Variants in KCNMA1 observed in about 807,000 individuals in gnomAD.
The protein encoded by KCNMA1 is Calcium-activated potassium channel subunit alpha-1.
Under a neutral mutation model 140.0 loss-of-function variants are expected in KCNMA1, and 29 were observed. The ratio of observed to expected loss-of-function variants is 0.21; its 90% CI spans 0.15 to 0.28. KCNMA1 has a LOEUF of 0.28. Among genes scored for constraint, KCNMA1 ranks in the 10% least tolerant of loss-of-function variants. The pLI is 1.00. For synonymous variants in KCNMA1, 612 were observed against 611.9 expected (o/e 1.00, Z 0.00); for missense variants, 880 against 1,602.2 (o/e 0.55, Z 7.70).
At chr10:76,989,885 G>A (rs2082280554) in intron 19 of KCNMA1, among the ~76,000 whole-genome samples, 1 of 151,728 alleles carries the variant, frequency 6.6e-6, no homozygotes, top group Non-Finnish European at 1.5e-5. Flanking sequence ...GAGATGGCAA[G>A]CTTCTGATCT....
intron 3 of KCNMA1, chr10:77,217,662 C>T (rs1033905848): frequency 1.0e-5 from 4 of 389,890 alleles, no homozygotes; most frequent in African/African-American, 4.1e-5. Flanking sequence ...GCAGTTGCAC[C>T]TCAATTTATG....
intron 2 of KCNMA1, among the ~76,000 whole-genome samples, chr10:77,289,731 G>C (rs1453174304): frequency 6.6e-6 from 1 of 152,110 alleles, no homozygotes; most frequent in African/African-American, 2.4e-5. Context: ...AAATATAAGG[G>C]ACTGTAAATA....
At chr10:77,610,916 G>A (rs2086611861) in intron 1 of KCNMA1, among the ~76,000 whole-genome samples, 1 of 152,230 alleles carries the variant, frequency 6.6e-6, no homozygotes, top group African/African-American at 2.4e-5. Flanking sequence ...AAAATGCCAT[G>A]GAGTGGTTAG....
At chr10:77,375,868 G>A (rs2095064772) in intron 2 of KCNMA1, among the ~76,000 whole-genome samples, 1 of 152,204 alleles carries the variant, frequency 6.6e-6, no homozygotes, top group South Asian at 2.1e-4. Context: ...CCATCTTGGT[G>A]CTCTTGGGGC....
intron 3 of KCNMA1, among the ~76,000 whole-genome samples, chr10:77,211,455 CAA>C (rs2046056461): frequency 6.6e-6 from 1 of 152,106 alleles, no homozygotes; most frequent in Non-Finnish European, 1.5e-5. Context: ...AAAATTAACT[CAA>C]AATGGATTAA....
At chr10:77,004,213 C>T (rs1409985959) in intron 18 of KCNMA1, among the ~76,000 whole-genome samples, 2 of 144,368 alleles carry the variant, frequency 1.4e-5, no homozygotes, top group South Asian at 4.5e-4. Context: ...ACAAGTGCCA[C>T]CACACACACA....
chr10:77,263,929 C>T (rs1307024218), intron 2 of KCNMA1, among the ~76,000 whole-genome samples: 1 of 152,168 alleles, frequency 6.6e-6, no homozygotes, highest in East Asian at 1.9e-4. Context: ...CCTAACCTGT[C>T]TACTTCTGAC....
chr10:76,941,078 AAAG>A (rs1253041194), intron 23 of KCNMA1, among the ~76,000 whole-genome samples: 1 of 128,472 alleles, frequency 7.8e-6, no homozygotes, highest in Non-Finnish European at 1.6e-5. Flanking sequence ...AAAAAGAAAG[AAAG>A]AAAGAGAAAG....
intron 1 of KCNMA1, among the ~76,000 whole-genome samples, chr10:77,537,090 G>A (rs548365849): frequency 1.2e-4 from 18 of 152,136 alleles, no homozygotes; most frequent in Admixed American, 3.9e-4. Flanking sequence ...CCCTAAACAC[G>A]GGACATCACC....
rs369375502 is a variant in KCNMA1, at chr10:77,494,698, G to A, written c.379-90675C>T. Among the ~76,000 whole-genome samples, 5 of 152,314 alleles carry A rather than the reference G, an allele frequency of 3.3e-5. No individual in the cohort carries two copies. The South Asian group carries it at 6.2e-4, about 19-fold the overall frequency. On this transcript the variant is annotated intron_variant, in intron 1 of 27. Coordinates refer to ENST00000286628, the MANE Select transcript of KCNMA1 (RefSeq NM_001161352.2). ...GGGATCCGGGAAGCTTGGTGAATTC[G>A]TCTGCTGGGGCTGCCATCATAAAGT... is the stretch of plus-strand genomic sequence containing the variant.
intron 1 of KCNMA1, among the ~76,000 whole-genome samples, chr10:77,541,997 G>A (rs997812735): frequency 6.6e-6 from 1 of 152,142 alleles, no homozygotes; most frequent in Non-Finnish European, 1.5e-5. Context: ...CCTTTGCAAT[G>A]GTTTGAATAT....
chr10:77,328,508 T>C (rs1012159228), intron 2 of KCNMA1, among the ~76,000 whole-genome samples: 3 of 152,162 alleles, frequency 2.0e-5, no homozygotes, highest in African/African-American at 7.2e-5. Flanking sequence ...AAAAAAGGCC[T>C]CAAAGAAGAT....
intron 23 of KCNMA1, among the ~76,000 whole-genome samples, chr10:76,926,963 T>A (rs1487733126): frequency 6.6e-6 from 1 of 152,174 alleles, no homozygotes; most frequent in African/African-American, 2.4e-5. Context: ...ATCCTTTCCA[T>A]TTGCTAACAG....
At chr10:77,609,665 T>C (rs980436074) in intron 1 of KCNMA1, among the ~76,000 whole-genome samples, 5 of 152,318 alleles carry the variant, frequency 3.3e-5, no homozygotes, top group African/African-American at 9.6e-5. Flanking sequence ...CCACAATGTA[T>C]ACATATTTCA....
chr10:76,949,306 C>T lies in KCNMA1; in HGVS notation c.2545G>A (p.Asp849Asn), dbSNP rs368732871. The T allele has an allele frequency of 5.0e-6, 8 of 1,613,996 alleles. No individual in the cohort carries two copies. The highest frequency in any genetic ancestry group is 2.2e-5 in the South Asian group (2 of 91,074). The change falls in exon 22 of 28, where the codon GAC becomes AAC. Residue 849 changes from aspartate to asparagine, a missense_variant. Physicochemically the swap from Asp to Asn is conservative, Grantham distance 23. Around this residue, in one of 13 missense-constraint regions of KCNMA1, gnomAD observed 82 missense variants for 170.1 expected, o/e 0.48. Transcript: ENST00000286628. ...AGGCCGATCAGGGCTGAGCTGACGTCGCCAAAGATGCAGACCACGACATGG... is the reference window on the plus strand; with the variant it reads ...AGGCCGATCAGGGCTGAGCTGACGTTGCCAAAGATGCAGACCACGACATGG... ...SGHVVVCIFGDVSSALIGLRN... is the reference protein window; with the variant it reads ...SGHVVVCIFGNVSSALIGLRN...
chr10:76,900,836 T>C (rs1414232530), intron 25 of KCNMA1, among the ~76,000 whole-genome samples: 1 of 151,786 alleles, frequency 6.6e-6, no homozygotes, highest in Admixed American at 6.6e-5. Context: ...ATTGGTAAAA[T>C]TGTTTCTTGG....
At chr10:77,336,363 G>A (rs890198999) in intron 2 of KCNMA1, among the ~76,000 whole-genome samples, 1 of 150,548 alleles carries the variant, frequency 6.6e-6, no homozygotes, top group Admixed American at 6.6e-5. Flanking sequence ...TGTACACAAA[G>A]ATATGTTCTT....
intron 16 of KCNMA1, among the ~76,000 whole-genome samples, chr10:77,025,864 AC>A (rs2093398730): frequency 6.6e-6 from 1 of 152,070 alleles, no homozygotes; most frequent in African/African-American, 2.4e-5. Flanking sequence ...CCTCAAACAC[AC>A]CTTTTTCCAC....
At chr10:77,359,445 G>T (rs757967158) in intron 2 of KCNMA1, among the ~76,000 whole-genome samples, 1 of 152,164 alleles carries the variant, frequency 6.6e-6, no homozygotes, top group South Asian at 2.1e-4. Flanking sequence ...GGCCTGTGGG[G>T]TGACAAAAAC....
Sources: gnomAD v4.1 joint callset for allele counts (sites outside exome capture counted in the v4.1 genomes callset) on GRCh38, gnomAD v4.1.1 for gene constraint, gnomAD v4.1.1 regional missense constraint, MANE v1.5 for transcripts, NCBI Gene and HGNC (gene_info 2026-07-23, HGNC 2026-07-21) for gene names.